The following NSUN4 variants were observed in gnomAD, a reference collection of about 807,000 sequenced individuals.
The protein encoded by NSUN4 is NOP2/Sun RNA methyltransferase 4.
NSUN4 carries 31 observed loss-of-function variants against 43.8 expected under a neutral mutation model. That is an observed-to-expected ratio of 0.71 (90% CI 0.53 to 0.96). The LOEUF is 0.96. NSUN4 is among the 40% of genes least tolerant of loss of function. The pLI is 0.00. For missense variants in NSUN4, 439 were observed against 475.6 expected, an observed-to-expected ratio of 0.92 and a Z score of 0.72; for synonymous variants, 167 against 184.1, an observed-to-expected ratio of 0.91 and a Z score of 0.75.
At chr1:46,359,999 G>A (rs1002502826) in intron 4 of NSUN4, among the ~76,000 whole-genome samples, 1 of 151,348 alleles carries the variant, frequency 6.6e-6, no homozygotes, top group African/African-American at 2.4e-5. Context: ...GGAGGCCAAG[G>A]CGGGCAGATC....
the NSUN4 span, among the ~76,000 whole-genome samples, chr1:46,383,116 G>A: frequency 4.6e-5 from 7 of 152,196 alleles, no homozygotes; most frequent in East Asian, 1.3e-3. Context: ...CCCAGGACTG[G>A]GACAGGGTGA....
the NSUN4 span, among the ~76,000 whole-genome samples, chr1:46,384,606 G>T: frequency 6.6e-6 from 1 of 152,198 alleles, no homozygotes. Context: ...GTCAGACCTT[G>T]CAATGTCTTT....
At chr1:46,383,471 T>TTC in the NSUN4 span, among the ~76,000 whole-genome samples, 5 of 144,370 alleles carry the variant, frequency 3.5e-5, no homozygotes, top group African/African-American at 1.1e-4. Context: ...TTTTTTTTTT[T>TTC]CCGAGATGGA....
chr1:46,383,402 G>C, the NSUN4 span, among the ~76,000 whole-genome samples: 1 of 151,872 alleles, frequency 6.6e-6, no homozygotes, highest in African/African-American at 2.4e-5. Context: ...AGGTTAAAGA[G>C]GTCTGTGAAC....
chr1:46,376,390 C>T, the NSUN4 span, among the ~76,000 whole-genome samples: 4 of 146,862 alleles, frequency 2.7e-5, no homozygotes, highest in African/African-American at 1.0e-4. Context: ...GTCTGGGTGA[C>T]AGAGAAGGAC....
chr1:46,361,418 G>A (rs1165092239), intron 5 of NSUN4, 152 bp from the exon 6 acceptor site: 1 of 671,672 alleles, frequency 1.5e-6, no homozygotes, highest in Non-Finnish European at 2.5e-6. Flanking sequence ...TGACTTTTCA[G>A]ACAGTGTCAT....
Position 46,361,823 on chromosome 1 carries a change from T to A in NSUN4, c.1132T>A (p.Cys378Ser), listed in dbSNP as rs762756406. ...LMANFGPMYF[C>S]KMRRLT ...GGCCAATTTTGGCCCCATGTACTTC[T>A]GCAAAATGCGTAGGCTGACATAGTA... Residue 378 changes from cysteine to serine, a missense_variant, in exon 6 of 6, where the codon TGC becomes AGC. Transcript: ENST00000474844. The A allele has an allele frequency of 2.5e-6, 4 of 1,614,172 alleles. No individual in the cohort carries two copies. The Admixed American group carries it at 6.7e-5, about 27-fold the overall frequency.
At chr1:46,352,820 G>A (rs376707326) in intron 3 of NSUN4, 48 bp from the exon 4 acceptor site, 54 of 1,586,710 alleles carry the variant, frequency 3.4e-5, no homozygotes, top group Middle Eastern at 1.8e-4. Context: ...CATTGCTGGT[G>A]GAATGTTTCA....
At chr1:46,383,733 G>A in the NSUN4 span, among the ~76,000 whole-genome samples, 14 of 152,308 alleles carry the variant, frequency 9.2e-5, no homozygotes, top group Middle Eastern at 3.4e-3. Context: ...GGGATTACAG[G>A]CGTGAGCCAC....
At chr1:46,369,894 A>G (rs1664209639), downstream of NSUN4, among the ~76,000 whole-genome samples, 1 of 152,224 alleles carries the variant, frequency 6.6e-6, no homozygotes, top group Non-Finnish European at 1.5e-5. Flanking sequence ...ATCAGATTTC[A>G]TGGGCCCCCC....
At chr1:46,348,570 C>T (rs536168149) in intron 3 of NSUN4, among the ~76,000 whole-genome samples, 141 of 151,808 alleles carry the variant, frequency 9.3e-4, no homozygotes, top group African/African-American at 3.1e-3. Context: ...AAAAATTAGC[C>T]GGGCCTGGTG....
At chr1:46,371,977 C>T in the NSUN4 span, among the ~76,000 whole-genome samples, 2 of 152,024 alleles carry the variant, frequency 1.3e-5, no homozygotes, top group Admixed American at 6.6e-5. Flanking sequence ...CCTCCAGTAG[C>T]GGGGTTTACA....
At chr1:46,343,248 C>T (rs929302701) in intron 1 of NSUN4, 6 of 399,506 alleles carry the variant, frequency 1.5e-5, no homozygotes, top group African/African-American at 6.2e-5. Flanking sequence ...ACCCCAACCT[C>T]GTTGTCAGCC....
At chr1:46,353,360 A>T (rs1347777075) in intron 4 of NSUN4, among the ~76,000 whole-genome samples, 1 of 152,226 alleles carries the variant, frequency 6.6e-6, no homozygotes, top group Non-Finnish European at 1.5e-5. Context: ...TTTATTTTTG[A>T]ATGTTAGTAC....
In NSUN4 at chr1:46,353,528, GT is replaced by G. The variant is rs768954186; in HGVS notation, c.753+501del. On this transcript the variant is annotated intron_variant, in intron 4 of 5. Transcript: ENST00000474844. ...TTTCGCTTTTGTTGCCCAGGCTGGAGTGCAATGGCGCGATCTCTGCTCACTG... is the reference window on the plus strand; with the variant it reads ...TTTCGCTTTTGTTGCCCAGGCTGGAGGCAATGGCGCGATCTCTGCTCACTG... 1.2e-3 allele frequency among the ~76,000 whole-genome samples: 184 copies of G among 151,920 alleles called. 1 individual carries two copies. Among genetic ancestry groups the G allele is most frequent in the Admixed American group, 4.6e-3 (70 of 15,258 alleles).
rs1663912033 is a variant in NSUN4, at chr1:46,361,956, C to T, written c.*110C>T. 4 of 990,112 alleles carry T rather than the reference C, an allele frequency of 4.0e-6. No homozygotes were observed. The East Asian group carries it at 1.0e-4, about 26-fold the overall frequency. 61.3% of individuals were successfully genotyped at this position (990,112 alleles called of 1,614,324 possible). The stretch of plus-strand genomic sequence containing the variant: ...ATGCACTCTCGGTCCTGTCTCCATC[C>T]TGTTCGTGTCTTTCTGCAGTTTTCG... On this transcript the variant is annotated 3_prime_UTR_variant, in exon 6 of 6. Coordinates refer to ENST00000474844, the MANE Select transcript of NSUN4 (RefSeq NM_199044.4).
chr1:46,340,927 C>A lies in NSUN4; in HGVS notation c.93+8C>A, dbSNP rs753278706. 6.2e-7 allele frequency: 1 copy of A among 1,609,294 alleles called. No individual in the cohort carries two copies. Among genetic ancestry groups the A allele is most frequent in the South Asian group, 1.1e-5 (1 of 90,644 alleles). The stretch of plus-strand genomic sequence containing the variant: ...CGATATAAGAAGAAATGGGTAAGGT[C>A]CGGCTGGGGGCGCAGGAGGGAAAAG... On this transcript the variant is annotated splice_region_variant and intron_variant, in intron 1 of 5. Transcript: ENST00000474844.
the NSUN4 span, among the ~76,000 whole-genome samples, chr1:46,374,338 G>A: frequency 1.3e-5 from 2 of 149,034 alleles, no homozygotes; most frequent in Admixed American, 6.7e-5. Context: ...GGCCAGGCAC[G>A]GTGGCTCATG....
At chr1:46,382,875 T>A in the NSUN4 span, among the ~76,000 whole-genome samples, 1 of 152,336 alleles carries the variant, frequency 6.6e-6, no homozygotes, top group East Asian at 1.9e-4. Context: ...GTAATGGAAT[T>A]ACAGGTGTGA....
Sources: gnomAD v4.1 joint callset for allele counts (sites outside exome capture counted in the v4.1 genomes callset) on GRCh38, gnomAD v4.1.1 for gene constraint, MANE v1.5 for transcripts, NCBI Gene and HGNC (gene_info 2026-07-23, HGNC 2026-07-21) for gene names.